ACAD9: variants seen among roughly 807,000 people sequenced by gnomAD.
ACAD9 encodes complex I assembly factor ACAD9, mitochondrial.
Under a neutral mutation model 70.2 loss-of-function variants are expected in ACAD9, and 53 were observed. The observed-to-expected ratio is 0.75, with a 90% confidence interval of 0.61 to 0.95. ACAD9 has a LOEUF of 0.95. Ranked by LOEUF, ACAD9 falls within the 40% of genes least tolerant of loss-of-function variation. The probability of loss-of-function intolerance (pLI) is 0.00; values close to 1 mark genes in which losing one functional copy is unlikely to be tolerated. For missense variants in ACAD9, 777 were observed against 802.8 expected, an observed-to-expected ratio of 0.97 and a Z score of 0.39; for synonymous variants, 313 against 312.1, an observed-to-expected ratio of 1.00 and a Z score of -0.03.
At chr3:128,893,422 C>A in intron 2 of ACAD9, 133 bp from the exon 3 acceptor site, 1 of 724,892 alleles carries the variant, frequency 1.4e-6, no homozygotes, top group Non-Finnish European at 2.3e-6. Context: ...ATGACCATGA[C>A]TACAGAATTT....
At chr3:128,910,340 G>A (rs1376459508) in intron 16 of ACAD9, 191 bp downstream of exon 16, 1 of 1,473,148 alleles carries the variant, frequency 6.8e-7, no homozygotes. Context: ...CTGACTGAGA[G>A]AAGAGGGGGT....
rs200871357 is a variant in ACAD9, at chr3:128,886,736, TA to T, written c.244+2003del. ...AAAGAAAAAAAAAAGAAAAGTAAGT[TA>T]AAAAAAAAAAAAGAAAAAAATTGAT... On this transcript the variant is annotated intron_variant, in intron 2 of 17. Coordinates refer to ENST00000308982, the MANE Select transcript of ACAD9 (RefSeq NM_014049.5). Among the ~76,000 whole-genome samples, 1,194 of 137,196 alleles carry T rather than the reference TA, an allele frequency of 8.7e-3. 7 individuals are homozygous for T. Among genetic ancestry groups the T allele is most frequent in the African/African-American group, 0.019 (712 of 37,536 alleles). 90.0% of individuals were successfully genotyped at this position (137,196 alleles called of 152,430 possible).
intron 13 of ACAD9, 60 bp from the exon 14 acceptor site, chr3:128,908,913 T>C (rs1936006894): frequency 6.2e-7 from 1 of 1,613,220 alleles, no homozygotes; most frequent in Admixed American, 1.7e-5. Context: ...TGGGCCATGT[T>C]GCTGGACAGT....
At chr3:128,891,949 G>GA (rs1935433228) in intron 2 of ACAD9, among the ~76,000 whole-genome samples, 1 of 152,224 alleles carries the variant, frequency 6.6e-6, no homozygotes, top group African/African-American at 2.4e-5. Context: ...CACCCATACA[G>GA]TGAATACTGA....
chr3:128,885,885 C>T (rs1162258311), intron 2 of ACAD9, among the ~76,000 whole-genome samples: 1 of 151,690 alleles, frequency 6.6e-6, no homozygotes, highest in African/African-American at 2.4e-5. Context: ...GGCATGGTGG[C>T]GGGTGCCTGT....
chr3:128,901,398 G>A (rs533560543), intron 8 of ACAD9, 49 bp downstream of exon 8: 2 of 1,600,278 alleles, frequency 1.2e-6, no homozygotes, highest in African/African-American at 1.3e-5. Flanking sequence ...CATGAGTGCA[G>A]TTTGTCGCCC....
At position 128,904,777 on chromosome 3, in the gene ACAD9, C is replaced by T. The variant is rs147101807; in HGVS notation, c.1149+272C>T. ...TTTAGAGTAATAACATTGCATCTGG[C>T]TTGTGTGAGAAAGACTTCTTTTTTC... On this transcript the variant is annotated intron_variant, in intron 11 of 17. Transcript: ENST00000308982. 3.9e-5 allele frequency among the ~76,000 whole-genome samples: 6 copies of T among 152,314 alleles called. No homozygotes were observed. The East Asian group carries it at 1.2e-3, about 29-fold the overall frequency.
intron 2 of ACAD9, among the ~76,000 whole-genome samples, chr3:128,891,951 G>T (rs1935433320): frequency 6.6e-6 from 1 of 152,226 alleles, no homozygotes; most frequent in African/African-American, 2.4e-5. Context: ...CCCATACAGT[G>T]AATACTGAAC....
Position 128,910,165 on chromosome 3 carries a change from C to T in ACAD9, c.1692+16C>T, listed in dbSNP as rs754234695. The T allele has an allele frequency of 2.5e-6, 4 of 1,613,932 alleles. No individual in the cohort carries two copies. The South Asian group carries it at 4.4e-5, about 18-fold the overall frequency. On this transcript the variant is annotated intron_variant, in intron 16 of 17. Coordinates refer to ENST00000308982, the MANE Select transcript of ACAD9 (RefSeq NM_014049.5). ...CGACCACGAGGTGAGCCCAGCCCAG[C>T]CTCACACAGGGCCTGGCTGCTGCCA...
At chr3:128,907,186 T>C (rs970380219) in intron 12 of ACAD9, among the ~76,000 whole-genome samples, 2 of 152,132 alleles carry the variant, frequency 1.3e-5, no homozygotes, top group Non-Finnish European at 2.9e-5. Context: ...CATCAGCCTC[T>C]GGGAGTGTAG....
intron 17 of ACAD9, among the ~76,000 whole-genome samples, chr3:128,911,159 C>T (rs998422254): frequency 5.9e-5 from 9 of 152,186 alleles, no homozygotes; most frequent in Non-Finnish European, 1.2e-4. Context: ...TGGGTTCAAG[C>T]GATTCTTCTG....
At chr3:128,895,911 C>T (rs970033739) in intron 4 of ACAD9, among the ~76,000 whole-genome samples, 1 of 152,226 alleles carries the variant, frequency 6.6e-6, no homozygotes. Flanking sequence ...TGCTCGGCTC[C>T]CCCACCCCAG....
intron 1 of ACAD9, among the ~76,000 whole-genome samples, chr3:128,881,416 C>T (rs1935089962): frequency 6.6e-6 from 1 of 152,248 alleles, no homozygotes; most frequent in Admixed American, 6.5e-5. Context: ...CAGTTACCCC[C>T]TCCCGCTGCA....
At position 128,902,747 on chromosome 3, in the gene ACAD9, C is replaced by A; in HGVS notation, c.958+119C>A. 1 of 1,160,050 alleles carries A rather than the reference C, an allele frequency of 8.6e-7. No homozygotes were observed. 71.9% of individuals were successfully genotyped at this position (1,160,050 alleles called of 1,614,324 possible). Reference sequence around the variant, plus strand: ...GCCAGTGCTGAACCAGGCTACCAGCCTGAGCTCAGTCCCTGGGCTTTTGTG... The same window carrying A: ...GCCAGTGCTGAACCAGGCTACCAGCATGAGCTCAGTCCCTGGGCTTTTGTG... On this transcript the variant is annotated intron_variant, in intron 9 of 17. Transcript: ENST00000308982. This position sits in a 1 kb window ranked among gnomAD's most constrained non-coding sequence, Gnocchi z 4.0.
chr3:128,888,354 G>A (rs551697013), intron 2 of ACAD9, among the ~76,000 whole-genome samples: 2 of 152,212 alleles, frequency 1.3e-5, no homozygotes, highest in South Asian at 4.1e-4. Context: ...CGACGTGGGT[G>A]GATCACTTGA....
intron 1 of ACAD9, among the ~76,000 whole-genome samples, chr3:128,883,958 G>A (rs1222410469): frequency 6.6e-6 from 1 of 152,202 alleles, no homozygotes; most frequent in African/African-American, 2.4e-5. Flanking sequence ...GGACATCACT[G>A]CTCAACAGCC....
chr3:128,880,068 T>TA, intron 1 of ACAD9: 1 of 1,500,364 alleles, frequency 6.7e-7, no homozygotes. Context: ...GGTGACGTGT[T>TA]CCAGCTAAAT....
chr3:128,902,000 G>A (rs1047822115), intron 8 of ACAD9, among the ~76,000 whole-genome samples: 3 of 152,204 alleles, frequency 2.0e-5, no homozygotes, highest in African/African-American at 7.2e-5. Context: ...ATTGCGTGAT[G>A]TTTTCAAGGT....
chr3:128,908,203 CG>C lies in ACAD9; in HGVS notation c.1299del (p.Met434CysfsTer5), dbSNP rs1935958023. 5 of 1,614,130 alleles carry C rather than the reference CG, an allele frequency of 3.1e-6. No homozygotes were observed. The highest frequency in any genetic ancestry group is 4.2e-6 in the Non-Finnish European group (5 of 1,180,008). Reference sequence around the variant, plus strand: ...ACCACAGGGAACCAATGAGATTCTCCGGATGTACATCGCCCTGACGGGTCTG... The same window carrying C: ...ACCACAGGGAACCAATGAGATTCTCCGATGTACATCGCCCTGACGGGTCTG... ...LIFEGTNEIL[R>X]MYIALTGLQH... On this transcript the variant is annotated frameshift_variant, in exon 13 of 18. Coordinates refer to ENST00000308982, the MANE Select transcript of ACAD9 (RefSeq NM_014049.5). LOFTEE classifies it high-confidence loss of function.
Sources: allele counts gnomAD v4.1 joint callset (sites outside exome capture counted in the v4.1 genomes callset), GRCh38; gene constraint gnomAD v4.1.1; non-coding constraint Gnocchi (gnomAD v3.1); transcripts MANE v1.5; gene names NCBI Gene and HGNC (gene_info 2026-07-23, HGNC 2026-07-21).